SCARA3: variants seen among roughly 807,000 people sequenced by gnomAD.
The protein encoded by SCARA3 is cellular stress response gene protein.
A neutral mutation model predicts 47.0 loss-of-function variants in SCARA3; 39 were observed. The ratio of observed to expected loss-of-function variants is 0.83; its 90% confidence interval spans 0.64 to 1.08. SCARA3 has a LOEUF of 1.08. Among genes scored for constraint, SCARA3 ranks in the 50% least tolerant of loss-of-function variants. The probability of loss-of-function intolerance (pLI) is 0.00; values close to 1 mark genes in which losing one functional copy is unlikely to be tolerated. For missense variants in SCARA3, 724 were observed against 792.3 expected (o/e 0.91, Z 1.04); for synonymous variants, 356 against 334.1 (o/e 1.07, Z -0.71).
At chr8:27,722,049 C>T in the SCARA3 span, among the ~76,000 whole-genome samples, 2 of 152,202 alleles carry the variant, frequency 1.3e-5, no homozygotes, top group East Asian at 3.8e-4. Flanking sequence ...ATGATAGCAT[C>T]ACTGTGCCCC....
the SCARA3 span, among the ~76,000 whole-genome samples, chr8:27,731,309 A>T: frequency 6.6e-6 from 1 of 151,288 alleles, no homozygotes; most frequent in African/African-American, 2.4e-5. Flanking sequence ...TATCTTGCCC[A>T]AGCTGGTCTT....
At chr8:27,731,665 T>C in the SCARA3 span, among the ~76,000 whole-genome samples, 1 of 108,546 alleles carries the variant, frequency 9.2e-6, no homozygotes, top group Non-Finnish European at 2.0e-5. Context: ...AAAAAAAAAA[T>C]GCTGTTTGGT....
Position 27,659,381 on chromosome 8 carries a change from C to T in SCARA3, c.1211C>T (p.Ser404Phe). 6.2e-7 allele frequency: 1 copy of T among 1,614,108 alleles called. No individual in the cohort carries two copies. The highest frequency in any genetic ancestry group is 1.1e-5 in the South Asian group (1 of 91,076). ...CTCTACTACCTGAACAAGTCTGTCT[C>T]CATCATGCTGGGCACCACAGACCTG... ...EELYYLNKSV[S>F]IMLGTTDLLR... Residue 404 changes from serine (S) to phenylalanine (F), a missense_variant, in exon 5 of 6, where the codon TCC becomes TTC. Physicochemically the swap from Ser to Phe is radical, Grantham distance 155 (BLOSUM62 -2). Coordinates refer to ENST00000301904, the MANE Select transcript of SCARA3 (RefSeq NM_016240.3).
chr8:27,665,474 T>C (rs984304740), intron 5 of SCARA3, among the ~76,000 whole-genome samples: 1 of 152,230 alleles, frequency 6.6e-6, no homozygotes, highest in African/African-American at 2.4e-5. Flanking sequence ...CATTTGGGAA[T>C]TGTAGACTAA....
intron 1 of SCARA3, among the ~76,000 whole-genome samples, chr8:27,644,399 T>G (rs1343522370): frequency 2.0e-5 from 3 of 152,220 alleles, no homozygotes; most frequent in Non-Finnish European, 4.4e-5. Flanking sequence ...TGTGGTCCCT[T>G]GGGGCCTTGG....
At chr8:27,731,641 C>CAAAAA in the SCARA3 span, among the ~76,000 whole-genome samples, 11 of 100,030 alleles carry the variant, frequency 1.1e-4, no homozygotes, top group East Asian at 2.0e-3. Context: ...GACTCTGTCT[C>CAAAAA]AAAAAAAAAA....
intron 1 of SCARA3, among the ~76,000 whole-genome samples, chr8:27,645,753 A>C (rs1190589779): frequency 6.6e-6 from 1 of 152,182 alleles, no homozygotes; most frequent in Non-Finnish European, 1.5e-5. Flanking sequence ...GAAGACGGAG[A>C]GGGGAAGGAA....
At chr8:27,673,079 T>G (rs756601137), downstream of SCARA3, 41 of 840,188 alleles carry the variant, frequency 4.9e-5, no homozygotes, top group Middle Eastern at 2.5e-3. Flanking sequence ...AGGGCTGCAC[T>G]CCAGGTGGGC....
At chr8:27,675,276 C>T (rs1003237446), downstream of SCARA3, among the ~76,000 whole-genome samples, 13 of 152,298 alleles carry the variant, frequency 8.5e-5, no homozygotes, top group African/African-American at 2.6e-4. Flanking sequence ...AACAGAGCCG[C>T]GGGAGAGGAG....
intron 1 of SCARA3, 102 bp downstream of exon 1, chr8:27,634,309 G>T: frequency 9.2e-7 from 1 of 1,083,006 alleles, no homozygotes; most frequent in South Asian, 3.8e-5. Context: ...GCTGAGAGGA[G>T]GGCAGGGCGC....
Position 27,671,110 on chromosome 8 carries a change from G to T in SCARA3, c.1580G>T (p.Ser527Ile). 2 of 1,599,410 alleles carry T rather than the reference G, an allele frequency of 1.3e-6. No homozygotes were observed. Among genetic ancestry groups the T allele is most frequent in the Non-Finnish European group, 1.7e-6 (2 of 1,172,890 alleles). Residue 527 changes from serine (S) to isoleucine (I), a missense_variant, in exon 6 of 6, where the codon AGC (serine) becomes ATC (isoleucine). Coordinates refer to ENST00000301904, the MANE Select transcript of SCARA3 (RefSeq NM_016240.3). Reference protein sequence around the residue: ...GFPGLKGSKGSFGTGGPRGQP... With the variant: ...GFPGLKGSKGIFGTGGPRGQP... ...CCAGGCCTCAAAGGCTCAAAGGGCA[G>T]CTTTGGAACTGGAGGGCCGAGAGGA...
the SCARA3 span, among the ~76,000 whole-genome samples, chr8:27,686,235 G>T: frequency 6.6e-6 from 1 of 152,098 alleles, no homozygotes; most frequent in East Asian, 1.9e-4. Context: ...GACCCCAGGA[G>T]TTAGAGACTA....
At chr8:27,658,404 C>A in intron 4 of SCARA3, 92 bp from the exon 5 acceptor site, 2 of 1,267,178 alleles carry the variant, frequency 1.6e-6, no homozygotes, top group East Asian at 2.4e-5. Context: ...AGCTACTAAC[C>A]AATTTCTTAT....
chr8:27,715,824 TGATA>T, the SCARA3 span, among the ~76,000 whole-genome samples: 4,287 of 118,918 alleles, frequency 0.036, 123 homozygotes, highest in Admixed American at 0.1. The surrounding 1 kb of genome is among the most constrained non-coding windows in gnomAD (Gnocchi z 4.2). Context: ...GATAGATAGA[TGATA>T]GATAGATAGA....
intron 5 of SCARA3, among the ~76,000 whole-genome samples, chr8:27,670,362 G>C (rs893136579): frequency 6.6e-6 from 1 of 152,224 alleles, no homozygotes; most frequent in African/African-American, 2.4e-5. Flanking sequence ...GTAGCCTTAA[G>C]AGCTCAGTGA....
the SCARA3 span, chr8:27,701,899 T>A: frequency 1.9e-5 from 3 of 154,074 alleles, no homozygotes; most frequent in African/African-American, 7.2e-5. Flanking sequence ...GTGCTAAAAC[T>A]GGGAGGCCCA....
chr8:27,701,335 ATT>A, the SCARA3 span: 2 of 152,136 alleles, frequency 1.3e-5, no homozygotes, highest in African/African-American at 4.8e-5. Context: ...AAATATTTTG[ATT>A]GATTTAACAG....
intron 5 of SCARA3, among the ~76,000 whole-genome samples, chr8:27,669,151 A>G (rs1802086327): frequency 6.6e-6 from 1 of 152,038 alleles, no homozygotes; most frequent in Non-Finnish European, 1.5e-5. Context: ...CAGAAGGAGG[A>G]GGCGAATGCC....
At chr8:27,708,588 T>A in the SCARA3 span, among the ~76,000 whole-genome samples, 1 of 151,976 alleles carries the variant, frequency 6.6e-6, no homozygotes, top group African/African-American at 2.4e-5. Context: ...ATTATAGAGA[T>A]AACTACCAAA....
Sources: gnomAD v4.1 joint callset for allele counts (sites outside exome capture counted in the v4.1 genomes callset) on GRCh38, gnomAD v4.1.1 for gene constraint, Gnocchi (gnomAD v3.1) non-coding constraint, MANE v1.5 for transcripts, NCBI Gene and HGNC (gene_info 2026-07-23, HGNC 2026-07-21) for gene names.